IPO11: variants seen among roughly 807,000 people sequenced by gnomAD.
IPO11 encodes the protein importin-11.
In IPO11, 66 loss-of-function variants were observed where a neutral mutation model predicts 143.2. The ratio of observed to expected loss-of-function variants is 0.46; its 90% confidence interval spans 0.38 to 0.57. IPO11 has a LOEUF of 0.57. IPO11 is among the 20% of genes least tolerant of loss of function. The pLI, the probability that IPO11 is intolerant of heterozygous loss-of-function variation, is 0.00. For synonymous variants in IPO11, 385 were observed against 377.8 expected (o/e 1.02, Z -0.22); for missense variants, 1,026 against 1,141.0 (o/e 0.90, Z 1.45).
chr5:62,457,700 T>C (rs1486705538), intron 5 of IPO11, among the ~76,000 whole-genome samples: 1 of 152,144 alleles, frequency 6.6e-6, no homozygotes, highest in African/African-American at 2.4e-5. Context: ...CTTGCAGACT[T>C]ACTCCTTGTC....
At chr5:62,573,453 A>C (rs1016107179) in intron 27 of IPO11, among the ~76,000 whole-genome samples, 3 of 152,044 alleles carry the variant, frequency 2.0e-5, no homozygotes, top group African/African-American at 7.2e-5. Flanking sequence ...TAAAGTTGTG[A>C]GTTAGATTTT....
intron 27 of IPO11, among the ~76,000 whole-genome samples, chr5:62,575,782 TA>T (rs1744294445): frequency 6.6e-6 from 1 of 152,212 alleles, no homozygotes; most frequent in African/African-American, 2.4e-5. Context: ...CCACTGTGTA[TA>T]GTTACTATGT....
intron 20 of IPO11, among the ~76,000 whole-genome samples, chr5:62,524,340 T>C (rs1459546141): frequency 5.3e-5 from 8 of 152,154 alleles, no homozygotes; most frequent in African/African-American, 1.9e-4. Context: ...GATTTCTCTA[T>C]ACAATCTTTG....
At chr5:62,466,737 A>G (rs1745587936) in intron 5 of IPO11, among the ~76,000 whole-genome samples, 1 of 152,222 alleles carries the variant, frequency 6.6e-6, no homozygotes, top group Non-Finnish European at 1.5e-5. Flanking sequence ...TCCTTTGTAT[A>G]TCTTCATATA....
chr5:62,443,514 C>T (rs1345206521), intron 3 of IPO11, among the ~76,000 whole-genome samples: 1 of 151,176 alleles, frequency 6.6e-6, no homozygotes, highest in African/African-American at 2.4e-5. Flanking sequence ...TTTAGTCGTA[C>T]CCACTTAAAA....
intron 5 of IPO11, among the ~76,000 whole-genome samples, chr5:62,463,202 C>G (rs1285731455): frequency 6.6e-6 from 1 of 151,994 alleles, no homozygotes; most frequent in Non-Finnish European, 1.5e-5. Flanking sequence ...CCACCATGTC[C>G]AGCTAATTTG....
chr5:62,448,263 T>C (rs1312755047), intron 3 of IPO11, among the ~76,000 whole-genome samples: 3 of 151,948 alleles, frequency 2.0e-5, no homozygotes, highest in Non-Finnish European at 4.4e-5. Flanking sequence ...GACAAAGGAA[T>C]AATTCATGTC....
intron 26 of IPO11, among the ~76,000 whole-genome samples, chr5:62,559,323 G>A (rs1743685622): frequency 6.6e-6 from 1 of 152,084 alleles, no homozygotes; most frequent in Non-Finnish European, 1.5e-5. Flanking sequence ...ATTGAAGCAA[G>A]TTGCAGGCGA....
At chr5:62,464,238 C>T (rs1278633580) in intron 5 of IPO11, among the ~76,000 whole-genome samples, 1 of 145,666 alleles carries the variant, frequency 6.9e-6, no homozygotes, top group East Asian at 2.1e-4. Flanking sequence ...CAACTTCTGC[C>T]TCCCGGATTC....
chr5:62,518,211 C>T (rs984955744), intron 20 of IPO11, among the ~76,000 whole-genome samples: 3 of 150,830 alleles, frequency 2.0e-5, no homozygotes, highest in Non-Finnish European at 4.4e-5. Flanking sequence ...TTTGGGAGGC[C>T]GAGGCGGGTG....
At chr5:62,487,624 A>G (rs1746456594) in intron 12 of IPO11, 147 bp from the exon 13 acceptor site, 3 of 764,798 alleles carry the variant, frequency 3.9e-6, no homozygotes, top group South Asian at 6.1e-5. Context: ...AAAAAATGGT[A>G]ACCTTACTTT....
At chr5:62,468,897 A>G (rs1054927445) in intron 6 of IPO11, among the ~76,000 whole-genome samples, 3 of 152,208 alleles carry the variant, frequency 2.0e-5, no homozygotes, top group Non-Finnish European at 2.9e-5. Context: ...TGTAATCTCT[A>G]TCTGAATTTA....
intron 1 of IPO11, among the ~76,000 whole-genome samples, chr5:62,417,945 T>C (rs1743362340): frequency 6.6e-6 from 1 of 152,028 alleles, no homozygotes; most frequent in Non-Finnish European, 1.5e-5. Flanking sequence ...CTCCTCCAAC[T>C]CTCCAACTAT....
chr5:62,430,587 G>T lies in IPO11; in HGVS notation c.-6-6687G>T, dbSNP rs895879970. On this transcript the variant is annotated intron_variant, in intron 1 of 29. Transcript: ENST00000325324. The stretch of plus-strand genomic sequence containing the variant: ...ACTGCCCGCCTCAGCCTCCCAACAT[G>T]CTGGGATTACAGGTGAGAGCCGCCA... Among the ~76,000 whole-genome samples the T allele has an allele frequency of 2.0e-5, 3 of 152,064 alleles. No homozygotes were observed. The South Asian group carries it at 6.2e-4, about 31-fold the overall frequency.
At chr5:62,470,478 A>G (rs1745726959) in intron 7 of IPO11, among the ~76,000 whole-genome samples, 170 bp downstream of exon 7, 1 of 152,186 alleles carries the variant, frequency 6.6e-6, no homozygotes, top group South Asian at 2.1e-4. Flanking sequence ...ACTACATCAA[A>G]GTGGCTGTTG....
chr5:62,494,011 C>T lies in IPO11; in HGVS notation c.1477C>T (p.Arg493Ter), dbSNP rs1297677377. Reference sequence around the variant, plus strand: ...TTTCCTGTTTAGGTATAAGCCATTGCGACGCAGGGTGATTTGGCTCATCGG... The same window carrying T: ...TTTCCTGTTTAGGTATAAGCCATTGTGACGCAGGGTGATTTGGCTCATCGG... ...QVIHNRYKPL[R>*]RRVIWLIGQW... Residue 493 changes from arginine (R) to a stop codon, truncating the protein, a stop_gained, in exon 16 of 30, where the codon CGA becomes TGA. Coordinates refer to ENST00000325324, the MANE Select transcript of IPO11 (RefSeq NM_016338.5). LOFTEE classifies it high-confidence loss of function. 3 of 1,610,668 alleles carry T rather than the reference C, an allele frequency of 1.9e-6. No individual in the cohort carries two copies. The highest frequency in any genetic ancestry group is 2.7e-5 in the African/African-American group (2 of 74,734).
chr5:62,425,284 T>TA (rs1240343550), intron 1 of IPO11, among the ~76,000 whole-genome samples: 4 of 152,320 alleles, frequency 2.6e-5, no homozygotes, highest in Non-Finnish European at 5.9e-5. Context: ...TGGTACTTCT[T>TA]ACCATCAGGT....
chr5:62,421,425 C>G (rs1743511320), intron 1 of IPO11, among the ~76,000 whole-genome samples: 1 of 152,170 alleles, frequency 6.6e-6, no homozygotes, highest in Non-Finnish European at 1.5e-5. Flanking sequence ...TGTTCTTTCT[C>G]AAGTCTAAAG....
At chr5:62,549,851 A>G (rs762252711) in intron 24 of IPO11, among the ~76,000 whole-genome samples, 2 of 152,256 alleles carry the variant, frequency 1.3e-5, no homozygotes, top group African/African-American at 4.8e-5. Context: ...ATAATTATGA[A>G]TGAAATATGA....
Sources: gnomAD v4.1 joint callset for allele counts (sites outside exome capture counted in the v4.1 genomes callset) on GRCh38, gnomAD v4.1.1 for gene constraint, MANE v1.5 for transcripts, NCBI Gene and HGNC (gene_info 2026-07-23, HGNC 2026-07-21) for gene names.